WDR1: variants seen among roughly 807,000 people sequenced by gnomAD.
The protein encoded by WDR1 is WD repeat-containing protein 1.
In WDR1, 21 loss-of-function variants were observed where a neutral mutation model predicts 71.9. The ratio of observed to expected loss-of-function variants is 0.29; its 90% CI spans 0.21 to 0.42. WDR1 has a LOEUF of 0.42. Among genes scored for constraint, WDR1 ranks in the 10% least tolerant of loss-of-function variants. The probability of loss-of-function intolerance (pLI) is 1.00; values close to 1 mark genes in which losing one functional copy is unlikely to be tolerated. For synonymous variants in WDR1, 424 were observed against 347.4 expected, an observed-to-expected ratio of 1.22 and a Z score of -2.45; for missense variants, 696 against 824.5, an observed-to-expected ratio of 0.84 and a Z score of 1.91.
intron 5 of WDR1, chr4:10,094,737 C>T (rs1336847219): frequency 6.6e-6 from 1 of 152,186 alleles, no homozygotes; most frequent in East Asian, 1.9e-4. Flanking sequence ...TTATTCCAGG[C>T]CAAATGTTCC....
rs1317094795 is a variant in WDR1 at position 10,091,033 on chromosome 4, G to A, written c.559-2292C>T. ...AGCTCATGAGCGATGGGGCTGGCGA[G>A]CCCTTTGCCTGCCCCCCGCACCTGG... On this transcript the variant is annotated intron_variant, in intron 5 of 14. Coordinates refer to ENST00000499869, the MANE Select transcript of WDR1 (RefSeq NM_017491.5). Among the ~76,000 whole-genome samples, 3 of 152,256 alleles carry A rather than the reference G, an allele frequency of 2.0e-5. No homozygotes were observed. In the East Asian group the frequency reaches 5.8e-4, roughly 29 times the overall value.
At position 10,097,787 on chromosome 4, in the gene WDR1, C is replaced by T. The variant is rs371080262; in HGVS notation, c.482G>A (p.Arg161Gln). 6.8e-6 allele frequency: 11 copies of T among 1,613,778 alleles called. No individual in the cohort carries two copies. Among genetic ancestry groups the T allele is most frequent in the East Asian group, 2.2e-5 (1 of 44,864 alleles). ...SVDIKQSRPY[R>Q]LATGSDDNCA... ...GTTATCATCGCTTCCCGTGGCCAGC[C>T]GGTATGGCCGGCTCTGCTTGATGTC... Residue 161 changes from arginine to glutamine, a missense_variant, in exon 5 of 15, where the codon CGG (arginine) becomes CAG (glutamine). Arg to Gln is a conservative substitution (Grantham distance 43, BLOSUM62 1). Transcript: ENST00000499869.
At chr4:10,087,597 C>T in intron 8 of WDR1, 110 bp downstream of exon 8, 1 of 1,078,980 alleles carries the variant, frequency 9.3e-7, no homozygotes, top group East Asian at 2.6e-5. Context: ...GGCCTGAGGA[C>T]ACCTCTCTAG....
rs3822244 is a variant in WDR1 at position 10,093,250 on chromosome 4, A to C, written c.558+4461T>G. 15 of 825,296 alleles carry C rather than the reference A, an allele frequency of 1.8e-5. No individual in the cohort carries two copies. In the East Asian group the frequency reaches 8.2e-4, roughly 45 times the overall value. 51.1% of individuals were successfully genotyped at this position (825,296 alleles called of 1,614,324 possible). A position where few individuals can be genotyped will look rare whatever the true frequency, so the allele number is the denominator to read the frequency against. On this transcript the variant is annotated intron_variant, in intron 5 of 14. Transcript: ENST00000499869. ...CTGACCCTGTACACAAGAGGACCAC[A>C]AGCCCACCCTTAGGCTGTTCACATG... is the stretch of plus-strand genomic sequence containing the variant.
chr4:10,093,236 C>T (rs1712119865), intron 5 of WDR1: 3 of 1,005,936 alleles, frequency 3.0e-6, no homozygotes, highest in Admixed American at 4.8e-5. Context: ...TGACCCTGTA[C>T]ACAAGAGGAC....
At chr4:10,086,748 G>C (rs1035159512) in intron 8 of WDR1, among the ~76,000 whole-genome samples, 1 of 152,220 alleles carries the variant, frequency 6.6e-6, no homozygotes, top group Non-Finnish European at 1.5e-5. Context: ...GCAGGAGCCC[G>C]AGAAGGGCTG....
chr4:10,079,225 T>G (rs912698643), intron 11 of WDR1, among the ~76,000 whole-genome samples: 1 of 152,228 alleles, frequency 6.6e-6, no homozygotes, highest in African/African-American at 2.4e-5. Flanking sequence ...CAACTAACTG[T>G]GACCATTACT....
In WDR1 at chr4:10,116,731, T is replaced by C; in HGVS notation, c.-65A>G. On this transcript the variant is annotated 5_prime_UTR_variant, in exon 1 of 15. Transcript: ENST00000499869. ...TCCGGGGCCGGCCCGCGCTGCGAAT[T>C]ACACCTCGCCGAGGCCGAGCCCGGG... 4 of 1,289,758 alleles carry C rather than the reference T, an allele frequency of 3.1e-6. No homozygotes were observed. The highest frequency in any genetic ancestry group is 3.9e-6 in the Non-Finnish European group (4 of 1,016,790). The allele number at this position is 1,289,758 out of a possible 1,614,324, so 79.9% of individuals were successfully genotyped here.
Position 10,097,899 on chromosome 4 carries a change from CA to C in WDR1, c.378-9del, listed in dbSNP as rs774191080. On this transcript the variant is annotated splice_polypyrimidine_tract_variant and intron_variant, in intron 4 of 14. Coordinates refer to ENST00000499869, the MANE Select transcript of WDR1 (RefSeq NM_017491.5). Reference sequence around the variant, plus strand: ...AGGAAGACTGCTCCAAACCTTGACCCAATGACACAGGTGGAAGACAAAAAAA... The same window carrying C: ...AGGAAGACTGCTCCAAACCTTGACCCATGACACAGGTGGAAGACAAAAAAA... 6.6e-7 allele frequency: 1 copy of C among 1,504,988 alleles called. No individual in the cohort carries two copies. Among genetic ancestry groups the C allele is most frequent in the South Asian group, 1.2e-5 (1 of 80,532 alleles). The allele number at this position is 1,504,988 out of a possible 1,614,324, so 93.2% of individuals were successfully genotyped here.
chr4:10,106,136 C>T (rs558274253), intron 2 of WDR1, among the ~76,000 whole-genome samples: 37 of 152,156 alleles, frequency 2.4e-4, no homozygotes, highest in Admixed American at 7.2e-4. Flanking sequence ...GGGCACCCTC[C>T]GGAGTGACAG....
chr4:10,111,840 C>T (rs1713386874), intron 2 of WDR1, among the ~76,000 whole-genome samples: 1 of 144,020 alleles, frequency 6.9e-6, no homozygotes, highest in African/African-American at 2.5e-5. Flanking sequence ...GAGAAAAGTC[C>T]ACTGATACTG....
intron 10 of WDR1, 105 bp from the exon 11 acceptor site, chr4:10,081,549 T>A: frequency 1.3e-5 from 13 of 1,005,404 alleles, no homozygotes; most frequent in Non-Finnish European, 2.0e-5. Flanking sequence ...TAGAAGGCAA[T>A]TCTATTGCCA....
chr4:10,092,607 A>G (rs1712069104), intron 5 of WDR1: 1 of 227,486 alleles, frequency 4.4e-6, no homozygotes, highest in East Asian at 1.1e-4. Context: ...GCTCATCCCC[A>G]TCACCTTTTC....
At chr4:10,092,903 C>A (rs189723837) in intron 5 of WDR1, 1 of 485,298 alleles carries the variant, frequency 2.1e-6, no homozygotes, top group Non-Finnish European at 3.7e-6. Context: ...CAGCCTCATC[C>A]CTGGTGGACA....
Position 10,088,698 on chromosome 4 carries a change from C to G in WDR1, c.602G>C (p.Gly201Ala). The G allele has an allele frequency of 6.2e-7, 1 of 1,607,970 alleles. No individual in the cohort carries two copies. The highest frequency in any genetic ancestry group is 8.5e-7 in the Non-Finnish European group (1 of 1,177,232). Residue 201 changes from glycine (G) to alanine (A), a missense_variant, in exon 6 of 15, where the codon GGG (glycine) becomes GCG (alanine). Coordinates refer to ENST00000499869, the MANE Select transcript of WDR1 (RefSeq NM_017491.5). ...FVNCVRFSPD[G>A]NRFATASADG... Reference sequence around the variant, plus strand: ...AGCACTGGCTGTGGCAAATCTGTTCCCATCAGGAGAGAATCGCACACAGTT... The same window carrying G: ...AGCACTGGCTGTGGCAAATCTGTTCGCATCAGGAGAGAATCGCACACAGTT...
intron 14 of WDR1, chr4:10,077,005 G>C: frequency 2.6e-6 from 1 of 379,956 alleles, no homozygotes; most frequent in Non-Finnish European, 4.8e-6. Context: ...GGGAGGGGGA[G>C]ACCCTGGTCC....
At chr4:10,101,118 G>A (rs982332428) in intron 3 of WDR1, among the ~76,000 whole-genome samples, 1 of 152,274 alleles carries the variant, frequency 6.6e-6, no homozygotes, top group Admixed American at 6.5e-5. Flanking sequence ...CGGCCCCAGC[G>A]CCAAGGCAGA....
chr4:10,080,895 C>G (rs1330980193), intron 11 of WDR1, among the ~76,000 whole-genome samples: 1 of 152,238 alleles, frequency 6.6e-6, no homozygotes, highest in African/African-American at 2.4e-5. Context: ...AGGAGACTTA[C>G]ATGTACTTCC....
chr4:10,111,427 G>C (rs1713356458), intron 2 of WDR1, among the ~76,000 whole-genome samples: 1 of 152,218 alleles, frequency 6.6e-6, no homozygotes, highest in Non-Finnish European at 1.5e-5. Flanking sequence ...CCTGCCATCA[G>C]GTGGTCAGAC....
Sources: allele counts gnomAD v4.1 joint callset (sites outside exome capture counted in the v4.1 genomes callset), GRCh38; gene constraint gnomAD v4.1.1; transcripts MANE v1.5; gene names NCBI Gene and HGNC (gene_info 2026-07-23, HGNC 2026-07-21).